Variants in OSBP2 observed in about 807,000 individuals in gnomAD.
OSBP2 encodes oxysterol-binding protein 2.
In OSBP2, 66 loss-of-function variants were observed where a neutral mutation model predicts 96.0. The ratio of observed to expected loss-of-function variants is 0.69; its 90% CI spans 0.56 to 0.84. OSBP2 has a LOEUF of 0.84. OSBP2 is among the 40% of genes least tolerant of loss of function. OSBP2 has a pLI of 0.00. For missense variants in OSBP2, 1,038 were observed against 1,222.7 expected (o/e 0.85, Z 2.25); for synonymous variants, 525 against 520.9 (o/e 1.01, Z -0.11).
chr22:30,699,750 C>T (rs1259787557), intron 1 of OSBP2, among the ~76,000 whole-genome samples: 2 of 151,706 alleles, frequency 1.3e-5, no homozygotes, highest in South Asian at 2.1e-4. Flanking sequence ...TCGAGAAACT[C>T]ATTTGATTGC....
chr22:30,738,814 C>T (rs1420224475), intron 1 of OSBP2, among the ~76,000 whole-genome samples: 2 of 151,766 alleles, frequency 1.3e-5, no homozygotes, highest in Admixed American at 6.6e-5. Context: ...CACCTGCCTC[C>T]TCCTCCCAAA....
intron 2 of OSBP2, among the ~76,000 whole-genome samples, chr22:30,852,998 G>A (rs1206477892): frequency 4.0e-5 from 6 of 151,870 alleles, no homozygotes; most frequent in East Asian, 1.9e-4. Flanking sequence ...ACTCTTTATC[G>A]TTTAAAATTT....
At chr22:30,800,418 G>A (rs111957108) in intron 2 of OSBP2, among the ~76,000 whole-genome samples, 75 of 152,300 alleles carry the variant, frequency 4.9e-4, no homozygotes, top group African/African-American at 1.7e-3. Flanking sequence ...TGAGGGAGGA[G>A]GAAGGCATGA....
At chr22:30,782,859 C>T (rs2090536302) in intron 2 of OSBP2, among the ~76,000 whole-genome samples, 1 of 152,166 alleles carries the variant, frequency 6.6e-6, no homozygotes, top group South Asian at 2.1e-4. Context: ...AAAGTGATTA[C>T]ACCATTTGAC....
At chr22:30,882,594 G>A (rs2039727444) in intron 3 of OSBP2, among the ~76,000 whole-genome samples, 1 of 152,198 alleles carries the variant, frequency 6.6e-6, no homozygotes, top group Admixed American at 6.5e-5. Context: ...AGGGAGGTGG[G>A]GCTGGCATCA....
chr22:30,825,389 AAAAC>A (rs1453582400), intron 2 of OSBP2, among the ~76,000 whole-genome samples: 2 of 152,114 alleles, frequency 1.3e-5, no homozygotes, highest in Non-Finnish European at 2.9e-5. Flanking sequence ...TCAGGAGGCA[AAAAC>A]AAACAAAAAG....
At chr22:30,755,070 G>A (rs117098661) in intron 2 of OSBP2, among the ~76,000 whole-genome samples, 9 of 152,024 alleles carry the variant, frequency 5.9e-5, no homozygotes, top group African/African-American at 1.5e-4. Flanking sequence ...TTCAGCACAC[G>A]CATCTCCAAC....
intron 2 of OSBP2, among the ~76,000 whole-genome samples, chr22:30,836,890 T>TA (rs758035877): frequency 7.2e-5 from 11 of 152,146 alleles, no homozygotes; most frequent in Non-Finnish European, 1.6e-4. Flanking sequence ...CCTTATGTAG[T>TA]AGCTGGCACA....
At chr22:30,728,256 TGTG>T (rs1253815967) in intron 1 of OSBP2, among the ~76,000 whole-genome samples, 1 of 151,248 alleles carries the variant, frequency 6.6e-6, no homozygotes, top group Non-Finnish European at 1.5e-5. Flanking sequence ...ATTAGCCAGA[TGTG>T]GTGGTGGGTG....
chr22:30,755,798 C>T (rs2090132651), intron 2 of OSBP2, among the ~76,000 whole-genome samples: 1 of 152,210 alleles, frequency 6.6e-6, no homozygotes, highest in Non-Finnish European at 1.5e-5. Flanking sequence ...TGCCCCTCTT[C>T]AGCGTTCCCC....
At chr22:30,845,674 G>A (rs2038853916) in intron 2 of OSBP2, among the ~76,000 whole-genome samples, 1 of 151,660 alleles carries the variant, frequency 6.6e-6, no homozygotes, top group South Asian at 2.1e-4. Context: ...ATGAGGTCAG[G>A]AGTTCGAGAC....
chr22:30,718,401 G>A (rs2089496317), intron 1 of OSBP2, among the ~76,000 whole-genome samples: 1 of 152,308 alleles, frequency 6.6e-6, no homozygotes, highest in Non-Finnish European at 1.5e-5. Context: ...GGTGATGTCT[G>A]GGGTTCTTTC....
In OSBP2 at chr22:30,695,421, C is replaced by T. The variant is rs2089009815; in HGVS notation, c.512C>T (p.Thr171Met). The T allele has an allele frequency of 6.2e-7, 1 of 1,613,602 alleles. No homozygotes were observed. The highest frequency in any genetic ancestry group is 1.3e-5 in the African/African-American group (1 of 74,948). Residue 171 changes from threonine to methionine, a missense_variant, in exon 1 of 14, where the codon ACG becomes ATG. Around this residue, in one of 3 missense-constraint regions of OSBP2, gnomAD observed 281 missense variants for 273.4 expected, o/e 1.03. Transcript: ENST00000332585. Reference sequence around the variant, plus strand: ...GGGGTTCCAATGTCGGGGACTGGCACGACCTCCAGTGCCCCACTGGCCTTA... The same window carrying T: ...GGGGTTCCAATGTCGGGGACTGGCATGACCTCCAGTGCCCCACTGGCCTTA... Reference protein sequence around the residue: ...PLGVPMSGTGTTSSAPLALLP... With the variant: ...PLGVPMSGTGMTSSAPLALLP...
At chr22:30,895,918 GA>G (rs949544209) in intron 12 of OSBP2, among the ~76,000 whole-genome samples, 13 of 142,624 alleles carry the variant, frequency 9.1e-5, no homozygotes, top group South Asian at 2.3e-4. Context: ...AGCCTGGGAG[GA>G]AAAAAAAAAA....
At chr22:30,804,744 C>T (rs372122645) in intron 2 of OSBP2, among the ~76,000 whole-genome samples, 2 of 152,052 alleles carry the variant, frequency 1.3e-5, no homozygotes, top group African/African-American at 4.8e-5. Flanking sequence ...TTTTAACTAC[C>T]GTATAAACAC....
At chr22:30,902,868 A>T in intron 12 of OSBP2, 1 of 291,918 alleles carries the variant, frequency 3.4e-6, no homozygotes, top group South Asian at 3.8e-5. Context: ...TGCAGCTTCC[A>T]CTCCCATACC....
intron 2 of OSBP2, among the ~76,000 whole-genome samples, chr22:30,852,974 T>C (rs185373350): frequency 4.5e-4 from 68 of 152,218 alleles, no homozygotes; most frequent in Admixed American, 1.2e-3. Context: ...ACTTCTTTCA[T>C]ATCCAGAGGA....
intron 2 of OSBP2, among the ~76,000 whole-genome samples, chr22:30,780,561 G>T (rs537471289): frequency 6.6e-6 from 1 of 152,152 alleles, no homozygotes; most frequent in Non-Finnish European, 1.5e-5. Flanking sequence ...ACAGTGGATC[G>T]ATCTCAGCCC....
At chr22:30,883,614 G>T (rs2039746075) in intron 3 of OSBP2, among the ~76,000 whole-genome samples, 1 of 152,238 alleles carries the variant, frequency 6.6e-6, no homozygotes, top group African/African-American at 2.4e-5. Context: ...GTTAGAGCAA[G>T]CTCTCAGTTG....
Sources: allele counts gnomAD v4.1 joint callset (sites outside exome capture counted in the v4.1 genomes callset), GRCh38; gene constraint gnomAD v4.1.1; regional missense constraint gnomAD v4.1.1; transcripts MANE v1.5; gene names NCBI Gene and HGNC (gene_info 2026-07-23, HGNC 2026-07-21).